Variants in MTG1 observed in about 807,000 individuals in gnomAD.
The protein encoded by MTG1 is mitochondrial ribosome associated GTPase 1, also known as mitochondrial ribosome-associated GTPase 1.
Under a neutral mutation model 39.5 loss-of-function variants are expected in MTG1, and 30 were observed. The observed-to-expected ratio is 0.76, with a 90% confidence interval of 0.57 to 1.03. MTG1 has a LOEUF of 1.03. Ranked by LOEUF, MTG1 falls within the 50% of genes least tolerant of loss-of-function variation. The pLI is 0.00. For missense variants in MTG1, 513 were observed against 447.4 expected, an observed-to-expected ratio of 1.15 and a Z score of -1.32; for synonymous variants, 217 against 179.0, an observed-to-expected ratio of 1.21 and a Z score of -1.69.
intron 9 of MTG1, among the ~76,000 whole-genome samples, chr10:133,411,416 G>C (rs1367568559): frequency 2.0e-5 from 3 of 152,084 alleles, no homozygotes; most frequent in Non-Finnish European, 4.4e-5. Flanking sequence ...ATATTCTGTA[G>C]GGTAGTTTTA....
At chr10:133,405,706 A>G (rs1160843789) in intron 9 of MTG1, among the ~76,000 whole-genome samples, 1 of 152,164 alleles carries the variant, frequency 6.6e-6, no homozygotes, top group Non-Finnish European at 1.5e-5. Flanking sequence ...ATTGTGTTTT[A>G]TGTACCACAT....
In MTG1 at chr10:133,420,132, G is replaced by A. The variant is rs1211424933; in HGVS notation, c.972G>A (p.Leu324=). The change falls in exon 11 of 11, where the codon CTG becomes CTA. Residue 324 remains leucine, a synonymous_variant. Coordinates refer to ENST00000317502, the MANE Select transcript of MTG1 (RefSeq NM_138384.4). ...CCGTGATGCTGGACCTCGACGTCCTGCGGGGCCACCCCCCGGCTGAGACTT... is the reference window on the plus strand; with the variant it reads ...CCGTGATGCTGGACCTCGACGTCCTACGGGGCCACCCCCCGGCTGAGACTT... The part of the protein sequence containing the change: ...LGSVMLDLDV[L]RGHPPAETLP 1.2e-6 allele frequency: 2 copies of A among 1,612,812 alleles called. No homozygotes were observed. Among genetic ancestry groups the A allele is most frequent in the Admixed American group, 3.3e-5 (2 of 59,926 alleles).
At chr10:133,394,588 C>G (rs1013270071) in intron 1 of MTG1, 15 of 1,313,156 alleles carry the variant, frequency 1.1e-5, no homozygotes, top group African/African-American at 1.6e-5. Flanking sequence ...GCCTGCTTGA[C>G]CTCCTACCTC....
At chr10:133,411,913 G>A (rs12267333) in intron 9 of MTG1, among the ~76,000 whole-genome samples, 3,107 of 151,820 alleles carry the variant, frequency 0.02, 110 homozygotes, top group African/African-American at 0.072. Flanking sequence ...TGATTTGAGC[G>A]CTTACACGTT....
rs1383582095 is a variant in MTG1 at position 133,395,676 on chromosome 10, G to A, written c.113-37G>A. The A allele has an allele frequency of 2.5e-6, 4 of 1,608,862 alleles. No homozygotes were observed. In the South Asian group the frequency reaches 4.4e-5, roughly 18 times the overall value. On this transcript the variant is annotated intron_variant, in intron 1 of 10. Transcript: ENST00000317502. ...TTGAATCGATCACTCTAGAAAGGTT[G>A]TGAGCCCCTTCGCTGAGGCGTCCTT...
At chr10:133,394,617 C>G in intron 1 of MTG1, 4 of 1,280,780 alleles carry the variant, frequency 3.1e-6, no homozygotes, top group Non-Finnish European at 3.0e-6. Flanking sequence ...CGCCCCTGTC[C>G]TCTGTTCCCA....
chr10:133,395,638 TGGA>T, intron 1 of MTG1, 72 bp from the exon 2 acceptor site: 2 of 1,404,588 alleles, frequency 1.4e-6, no homozygotes, highest in African/African-American at 2.8e-5. Context: ...CGTGTCATTC[TGGA>T]CGGTTCAGCT....
Position 133,399,594 on chromosome 10 carries a change from C to G in MTG1, c.486C>G (p.Ser162=). ...TGGGCAAGTCCTCCCTCATCAACTC[C>G]CTCCGGAGGCAGCACCTCAGGAAAG... The part of the protein sequence containing the change: ...PNVGKSSLIN[S]LRRQHLRKGK... The change falls in exon 6 of 11, where the codon TCC becomes TCG. Residue 162 remains serine (S), a synonymous_variant. Transcript: ENST00000317502. The G allele has an allele frequency of 6.2e-7, 1 of 1,614,184 alleles. No homozygotes were observed. Among genetic ancestry groups the G allele is most frequent in the African/African-American group, 1.3e-5 (1 of 75,058 alleles).
intron 9 of MTG1, among the ~76,000 whole-genome samples, chr10:133,403,569 T>A (rs891492294): frequency 6.6e-6 from 1 of 152,248 alleles, no homozygotes; most frequent in Non-Finnish European, 1.5e-5. Flanking sequence ...TCGGCACGAT[T>A]GTTGTGTGAT....
intron 9 of MTG1, among the ~76,000 whole-genome samples, chr10:133,415,716 C>A (rs1386145265): frequency 6.6e-6 from 1 of 152,200 alleles, no homozygotes; most frequent in African/African-American, 2.4e-5. Context: ...GCTTGTAGTT[C>A]ATTGAGATTT....
chr10:133,394,510 T>G, intron 1 of MTG1, 178 bp downstream of exon 1: 6 of 1,315,096 alleles, frequency 4.6e-6, no homozygotes, highest in Non-Finnish European at 3.9e-6. Context: ...CCGGGACCCC[T>G]TCCCCTGCGC....
chr10:133,401,531 A>T lies in MTG1; in HGVS notation c.514A>T (p.Lys172Ter). 6.4e-7 allele frequency: 1 copy of T among 1,571,080 alleles called. No individual in the cohort carries two copies. Among genetic ancestry groups the T allele is most frequent in the Non-Finnish European group, 8.6e-7 (1 of 1,158,516 alleles). ...CTCCTTTTCTCCTTTTCCTACAGGG[A>T]AAGCCACCAGGGTGGGTGGCGAGCC... ...SLRRQHLRKGKATRVGGEPGI... is the reference protein window; with the variant it reads ...SLRRQHLRKG The change falls in exon 7 of 11, where the codon AAA (lysine) becomes TAA (stop). Residue 172 changes from lysine to a stop codon, truncating the protein, a stop_gained and splice_region_variant. Coordinates refer to ENST00000317502, the MANE Select transcript of MTG1 (RefSeq NM_138384.4). LOFTEE classifies it high-confidence loss of function.
intron 6 of MTG1, 110 bp downstream of exon 6, chr10:133,399,729 C>G: frequency 9.1e-7 from 1 of 1,097,374 alleles, no homozygotes; most frequent in South Asian, 1.4e-5. Flanking sequence ...CACTGCCAGT[C>G]TTCTGCTGAC....
chr10:133,397,071 T>C (rs1461899304), intron 3 of MTG1, among the ~76,000 whole-genome samples: 1 of 152,220 alleles, frequency 6.6e-6, no homozygotes, highest in Admixed American at 6.5e-5. Flanking sequence ...ATCCGGAGGC[T>C]TAACTGTCTC....
rs1491325625 is a variant in MTG1 at position 133,394,454 on chromosome 10, TCC to T, written c.112+124_112+125del. ...CGTTCTGGGCTGGCCCCGCCCCTCC[TCC>T]CTTGTCTCCCCTCCTTCCCCGCTCT... is the stretch of plus-strand genomic sequence containing the variant. On this transcript the variant is annotated intron_variant, in intron 1 of 10. Coordinates refer to ENST00000317502, the MANE Select transcript of MTG1 (RefSeq NM_138384.4). 5 of 1,314,944 alleles carry T rather than the reference TCC, an allele frequency of 3.8e-6. No homozygotes were observed. The African/African-American group carries it at 7.9e-5, about 21-fold the overall frequency. The allele number at this position is 1,314,944 out of a possible 1,614,324, so 81.5% of individuals were successfully genotyped here.
intron 3 of MTG1, among the ~76,000 whole-genome samples, chr10:133,397,729 C>T (rs1288129444): frequency 2.7e-5 from 4 of 150,778 alleles, no homozygotes; most frequent in South Asian, 4.2e-4. Context: ...CCGCCCGCCT[C>T]GGCCTCCCAA....
intron 3 of MTG1, among the ~76,000 whole-genome samples, chr10:133,396,958 A>G (rs900401967): frequency 6.6e-6 from 1 of 152,216 alleles, no homozygotes; most frequent in African/African-American, 2.4e-5. Context: ...GCTACTTAGC[A>G]GACCGGGAAA....
intron 9 of MTG1, among the ~76,000 whole-genome samples, chr10:133,408,633 C>T (rs1850002961): frequency 6.6e-6 from 1 of 152,154 alleles, no homozygotes; most frequent in Admixed American, 6.5e-5. Flanking sequence ...GATACTAGTT[C>T]TTCCTTAACT....
rs1321312113 is a variant in MTG1 at position 133,394,210 on chromosome 10, A to T, written c.-11A>T. 6.6e-7 allele frequency: 1 copy of T among 1,509,640 alleles called. No individual in the cohort carries two copies. The highest frequency in any genetic ancestry group is 8.8e-7 in the Non-Finnish European group (1 of 1,133,284). The allele number at this position is 1,509,640 out of a possible 1,614,324, so 93.5% of individuals were successfully genotyped here. ...GTCAGCTGCGGGAGCGTTTCCGGGG[A>T]CGGTGCCGCCATGAGATTGACCCCG... is the stretch of plus-strand genomic sequence containing the variant. On this transcript the variant is annotated 5_prime_UTR_variant, in exon 1 of 11. Coordinates refer to ENST00000317502, the MANE Select transcript of MTG1 (RefSeq NM_138384.4).
Sources: gnomAD v4.1 joint callset for allele counts (sites outside exome capture counted in the v4.1 genomes callset) on GRCh38, gnomAD v4.1.1 for gene constraint, MANE v1.5 for transcripts, NCBI Gene and HGNC (gene_info 2026-07-23, HGNC 2026-07-21) for gene names.